Variants in PCCA observed in about 807,000 individuals in gnomAD.
The protein encoded by PCCA is propionyl-CoA carboxylase subunit alpha.
Under a neutral mutation model 101.3 loss-of-function variants are expected in PCCA, and 74 were observed. That is an observed-to-expected ratio of 0.73 (90% CI 0.61 to 0.89). The LOEUF (loss-of-function observed/expected upper bound fraction) is 0.89, where lower values mean the gene tolerates loss of function less well. Among genes scored for constraint, PCCA ranks in the 40% least tolerant of loss-of-function variants. PCCA has a pLI of 0.00. For missense variants in PCCA, 891 were observed against 907.0 expected (o/e 0.98, Z 0.23); for synonymous variants, 294 against 313.6 (o/e 0.94, Z 0.66).
At chr13:100,501,052 C>T (rs1262320355) in intron 21 of PCCA, among the ~76,000 whole-genome samples, 1 of 151,844 alleles carries the variant, frequency 6.6e-6, no homozygotes, top group East Asian at 1.9e-4. Flanking sequence ...TGAGGCAGGA[C>T]AATTGCTTGA....
At chr13:100,377,175 T>C (rs1030682012) in intron 19 of PCCA, among the ~76,000 whole-genome samples, 1 of 152,138 alleles carries the variant, frequency 6.6e-6, no homozygotes, top group African/African-American at 2.4e-5. Context: ...ATGAGCCGGG[T>C]ACCTCAGTTG....
intron 19 of PCCA, among the ~76,000 whole-genome samples, chr13:100,396,972 C>T (rs1349044322): frequency 6.6e-6 from 1 of 152,092 alleles, no homozygotes; most frequent in Non-Finnish European, 1.5e-5. Flanking sequence ...CGATAGGGCG[C>T]GCACCTACAC....
intron 4 of PCCA, among the ~76,000 whole-genome samples, chr13:100,128,745 A>G (rs751380678): frequency 6.6e-6 from 1 of 152,004 alleles, no homozygotes; most frequent in Non-Finnish European, 1.5e-5. Flanking sequence ...ACTTCCCAGA[A>G]TCTTTTAACA....
At chr13:100,407,961 A>C (rs964997657) in intron 19 of PCCA, among the ~76,000 whole-genome samples, 2 of 151,972 alleles carry the variant, frequency 1.3e-5, no homozygotes, top group Non-Finnish European at 2.9e-5. Flanking sequence ...GACCAGCCTG[A>C]CCAACATGGT....
chr13:100,264,362 A>T (rs528973662), intron 10 of PCCA, among the ~76,000 whole-genome samples: 1 of 152,230 alleles, frequency 6.6e-6, no homozygotes, highest in South Asian at 2.1e-4. Flanking sequence ...TGTAACAACC[A>T]TCCAGGTCTA....
intron 6 of PCCA, among the ~76,000 whole-genome samples, chr13:100,171,806 AC>A (rs2055683191): frequency 1.3e-5 from 2 of 151,968 alleles, no homozygotes; most frequent in African/African-American, 4.8e-5. Flanking sequence ...GCCAAGGTGG[AC>A]AGATCACGAG....
rs537725853 is a variant in PCCA at position 100,421,772 on chromosome 13, C to A, written c.1747-3861C>A. Among the ~76,000 whole-genome samples, 4 of 152,042 alleles carry A rather than the reference C, an allele frequency of 2.6e-5. No homozygotes were observed. The East Asian group carries it at 5.8e-4, about 22-fold the overall frequency. On this transcript the variant is annotated intron_variant, in intron 19 of 23. Coordinates refer to ENST00000376285, the MANE Select transcript of PCCA (RefSeq NM_000282.4). ...CGATCTCAGCTCACTGCAACCTCTG[C>A]CTCCCAGGTTCAAGCGATTCTCCTG...
chr13:100,333,073 A>G (rs2069886542), intron 17 of PCCA, among the ~76,000 whole-genome samples: 1 of 152,232 alleles, frequency 6.6e-6, no homozygotes, highest in Admixed American at 6.5e-5. Flanking sequence ...AATACTTTAG[A>G]AACACACTCC....
chr13:100,274,578 G>T (rs1036466127), intron 12 of PCCA, among the ~76,000 whole-genome samples: 1 of 152,104 alleles, frequency 6.6e-6, no homozygotes, highest in Non-Finnish European at 1.5e-5. Context: ...TCCACTCCAT[G>T]CCTCTCTCCT....
intron 4 of PCCA, among the ~76,000 whole-genome samples, chr13:100,116,401 T>C (rs2048800698): frequency 6.6e-6 from 1 of 152,200 alleles, no homozygotes; most frequent in African/African-American, 2.4e-5. Flanking sequence ...GAATGGATAC[T>C]GCACATATCA....
intron 19 of PCCA, among the ~76,000 whole-genome samples, chr13:100,422,785 G>A (rs1178635005): frequency 1.3e-5 from 2 of 151,350 alleles, no homozygotes; most frequent in East Asian, 3.9e-4. Flanking sequence ...TTTTTTCTGA[G>A]TTCTATCAGC....
At chr13:100,335,059 A>C (rs1036226201) in intron 17 of PCCA, among the ~76,000 whole-genome samples, 1 of 152,222 alleles carries the variant, frequency 6.6e-6, no homozygotes, top group Non-Finnish European at 1.5e-5. Context: ...TACTCTATAA[A>C]CTGGAAGTTA....
intron 18 of PCCA, among the ~76,000 whole-genome samples, chr13:100,354,112 AT>A (rs1307861186): frequency 8.4e-5 from 12 of 142,768 alleles, no homozygotes; most frequent in Non-Finnish European, 1.2e-4. Context: ...AATAATAATA[AT>A]AATAATAAAA....
At chr13:100,458,361 TACACACACAC>T (rs58649291) in intron 21 of PCCA, among the ~76,000 whole-genome samples, 39 of 101,426 alleles carry the variant, frequency 3.8e-4, no homozygotes, top group African/African-American at 1.3e-3. Flanking sequence ...ACCCCATCTC[TACACACACAC>T]ACACACACAC....
chr13:100,526,623 C>A (rs942973364), intron 22 of PCCA, among the ~76,000 whole-genome samples: 8 of 152,234 alleles, frequency 5.3e-5, no homozygotes, highest in African/African-American at 1.9e-4. Context: ...GGCCAGGAGC[C>A]CCATGCCAGG....
intron 19 of PCCA, among the ~76,000 whole-genome samples, chr13:100,377,857 T>A (rs762966302): frequency 6.6e-6 from 1 of 151,964 alleles, no homozygotes; most frequent in Non-Finnish European, 1.5e-5. Context: ...TATTGATATA[T>A]GAGGTTTTGT....
intron 18 of PCCA, among the ~76,000 whole-genome samples, chr13:100,356,031 C>T (rs535083067): frequency 9.4e-4 from 143 of 152,178 alleles, no homozygotes; most frequent in African/African-American, 3.4e-3. Context: ...TTAATCTTTT[C>T]AGTAAATTCT....
rs371268387 is a variant in PCCA, at chr13:100,186,717, G to T, written c.469-22615G>T. Among the ~76,000 whole-genome samples the T allele has an allele frequency of 7.0e-5, 10 of 142,500 alleles. No homozygotes were observed. In the South Asian group the frequency reaches 1.1e-3, roughly 16 times the overall value. 93.5% of individuals were successfully genotyped at this position (142,500 alleles called of 152,430 possible). A position where few individuals can be genotyped will look rare whatever the true frequency, so the allele number is the denominator to read the frequency against. ...GATCGCATCACTGCACTCCAGCCTG[G>T]GTGAGAGTGAGATTCCATCTCAAAA... On this transcript the variant is annotated intron_variant, in intron 6 of 23. Coordinates refer to ENST00000376285, the MANE Select transcript of PCCA (RefSeq NM_000282.4).
Position 100,102,903 on chromosome 13 carries a change from A to G in PCCA, c.126A>G (p.Arg42=), listed in dbSNP as rs763916930. Residue 42 remains arginine (R), a synonymous_variant, in exon 2 of 24, where the codon AGA becomes AGG. Coordinates refer to ENST00000376285, the MANE Select transcript of PCCA (RefSeq NM_000282.4). The stretch of plus-strand genomic sequence containing the variant: ...TGTAGCATGTTCTGTACTATTCAAG[A>G]CAGTGCTTAATGGTGTCCCGTAATC... ...RTLKHVLYYS[R]QCLMVSRNLG... 1 of 1,612,090 alleles carries G rather than the reference A, an allele frequency of 6.2e-7. No individual in the cohort carries two copies. The highest frequency in any genetic ancestry group is 1.3e-5 in the African/African-American group (1 of 75,026).
Sources: gnomAD v4.1 joint callset for allele counts (sites outside exome capture counted in the v4.1 genomes callset) on GRCh38, gnomAD v4.1.1 for gene constraint, MANE v1.5 for transcripts, NCBI Gene and HGNC (gene_info 2026-07-23, HGNC 2026-07-21) for gene names.